Variants in PIEZO2 observed in about 807,000 individuals in gnomAD.
The protein encoded by PIEZO2 is piezo-type mechanosensitive ion channel component 2.
Under a neutral mutation model 337.3 loss-of-function variants are expected in PIEZO2, and 172 were observed. That is an observed-to-expected ratio of 0.51 (90% CI 0.45 to 0.58). The LOEUF (loss-of-function observed/expected upper bound fraction) is 0.58. Among genes scored for constraint, PIEZO2 ranks in the 20% least tolerant of loss-of-function variants. The pLI, the probability that PIEZO2 is intolerant of heterozygous loss-of-function variation, is 0.00. For missense variants in PIEZO2, 3,028 were observed against 3,391.3 expected (o/e 0.89, Z 2.66); for synonymous variants, 1,251 against 1,228.5 (o/e 1.02, Z -0.38).
In PIEZO2 at chr18:11,009,126, T is replaced by C. The variant is rs1432166027; in HGVS notation, c.161-29466A>G. On this transcript the variant is annotated intron_variant, in intron 2 of 55. Transcript: ENST00000674853. The surrounding 1 kb of genome is among the most constrained non-coding windows in gnomAD (Gnocchi z 4.6). ...CTCTGTGACCTACCCTCTTGCTTCA[T>C]ACAATTGGTGATTGTCTCAGGGTAG... 1.3e-5 allele frequency among the ~76,000 whole-genome samples: 2 copies of C among 152,262 alleles called. No homozygotes were observed. Among genetic ancestry groups the C allele is most frequent in the Non-Finnish European group, 2.9e-5 (2 of 68,042 alleles).
At chr18:11,086,548 A>G (rs2038922516) in intron 1 of PIEZO2, among the ~76,000 whole-genome samples, 1 of 152,198 alleles carries the variant, frequency 6.6e-6, no homozygotes, top group East Asian at 1.9e-4. Context: ...TTAAGTCTCA[A>G]AACAGGCTAA....
At chr18:10,981,396 C>A (rs1425534656) in intron 2 of PIEZO2, among the ~76,000 whole-genome samples, 1 of 151,920 alleles carries the variant, frequency 6.6e-6, no homozygotes, top group African/African-American at 2.4e-5. Flanking sequence ...TGGGTTTAAT[C>A]CCAAAAATGC....
At chr18:10,958,601 C>A (rs1490754501) in intron 3 of PIEZO2, among the ~76,000 whole-genome samples, 2 of 152,246 alleles carry the variant, frequency 1.3e-5, no homozygotes, top group African/African-American at 4.8e-5. Flanking sequence ...TTGATTAAGT[C>A]TTTCTACAAG....
At chr18:10,718,792 G>A (rs1598395773) in intron 36 of PIEZO2, among the ~76,000 whole-genome samples, 1 of 152,020 alleles carries the variant, frequency 6.6e-6, no homozygotes, top group East Asian at 1.9e-4. Flanking sequence ...AGAGAGGATA[G>A]CTTGAGCCCA....
intron 7 of PIEZO2, among the ~76,000 whole-genome samples, chr18:10,807,681 AG>A (rs1943478968): frequency 6.6e-6 from 1 of 152,186 alleles, no homozygotes; most frequent in Non-Finnish European, 1.5e-5. Flanking sequence ...CAGCTAAATG[AG>A]CAAATATTTT....
rs2039697687 is a variant in PIEZO2, at chr18:11,110,507, G to A, written c.64+38018C>T. Among the ~76,000 whole-genome samples the A allele has an allele frequency of 6.6e-6, 1 of 152,190 alleles. No homozygotes were observed. The highest frequency in any genetic ancestry group is 2.4e-5 in the African/African-American group (1 of 41,460). On this transcript the variant is annotated intron_variant, in intron 1 of 55. Coordinates refer to ENST00000674853, the MANE Select transcript of PIEZO2 (RefSeq NM_001378183.1). This position sits in a 1 kb window ranked among gnomAD's most constrained non-coding sequence, Gnocchi z 4.2. ...ACCTCAGTCCACCTGTTTACCTGAG[G>A]TAAGTGTCTGGGCCTTTCCTCAAAC...
intron 29 of PIEZO2, among the ~76,000 whole-genome samples, chr18:10,749,619 T>G (rs2037568950): frequency 6.6e-6 from 1 of 152,220 alleles, no homozygotes; most frequent in South Asian, 2.1e-4. Context: ...CTTCTGCCTT[T>G]GTCTTGGCAG....
In PIEZO2 at chr18:10,878,781, T is replaced by TC. The variant is rs1568157505; in HGVS notation, c.330-7367_330-7366insG. ...CAGACCATACAAAGCTTGGATGTTT[T>TC]GAAAAAAAAAAAAAATCACATAACC... On this transcript the variant is annotated intron_variant, in intron 4 of 55. Coordinates refer to ENST00000674853, the MANE Select transcript of PIEZO2 (RefSeq NM_001378183.1). The surrounding 1 kb of genome is among the most constrained non-coding windows in gnomAD (Gnocchi z 4.3). Among the ~76,000 whole-genome samples the TC allele has an allele frequency of 7.2e-6, 1 of 139,612 alleles. No individual in the cohort carries two copies. Among genetic ancestry groups the TC allele is most frequent in the Non-Finnish European group, 1.5e-5 (1 of 67,094 alleles). 91.6% of individuals were successfully genotyped at this position (139,612 alleles called of 152,430 possible). A position where few individuals can be genotyped will look rare whatever the true frequency, so the allele number is the denominator to read the frequency against.
intron 36 of PIEZO2, among the ~76,000 whole-genome samples, chr18:10,719,442 A>T (rs1306216368): frequency 1.3e-5 from 2 of 152,230 alleles, no homozygotes; most frequent in Non-Finnish European, 2.9e-5. Context: ...CTGATAAGTG[A>T]GAACATGAGA....
chr18:10,672,523 C>G lies in PIEZO2; in HGVS notation c.8345+167G>C, dbSNP rs1421006080. Among the ~76,000 whole-genome samples the G allele has an allele frequency of 1.3e-5, 2 of 152,138 alleles. No homozygotes were observed. The highest frequency in any genetic ancestry group is 4.8e-5 in the African/African-American group (2 of 41,416). On this transcript the variant is annotated intron_variant, in intron 55 of 55. Transcript: ENST00000674853. The surrounding 1 kb of genome is among the most constrained non-coding windows in gnomAD (Gnocchi z 4.7). ...ACTGGGAGTTTTGATCTCTTTGGGACTCTGGTGCCTCATTTTTTGAAATAA... is the reference window on the plus strand; with the variant it reads ...ACTGGGAGTTTTGATCTCTTTGGGAGTCTGGTGCCTCATTTTTTGAAATAA...
intron 4 of PIEZO2, among the ~76,000 whole-genome samples, chr18:10,886,181 T>C (rs2042572667): frequency 6.7e-6 from 1 of 149,458 alleles, no homozygotes; most frequent in Non-Finnish European, 1.5e-5. Context: ...TGTGCATTTG[T>C]GCATTTTGCG....
At position 11,003,569 on chromosome 18, in the gene PIEZO2, T is replaced by C. The variant is rs534687174; in HGVS notation, c.161-23909A>G. ...CAGATAATAATTTACCCACTTATTC[T>C]AGTTCAGGGTTGCAGGGGGCTGGAG... is the stretch of plus-strand genomic sequence containing the variant. On this transcript the variant is annotated intron_variant, in intron 2 of 55. Transcript: ENST00000674853. The surrounding 1 kb of genome is among the most constrained non-coding windows in gnomAD (Gnocchi z 4.6). Among the ~76,000 whole-genome samples the C allele has an allele frequency of 5.9e-5, 9 of 152,228 alleles. No individual in the cohort carries two copies. The highest frequency in any genetic ancestry group is 1.3e-4 in the Non-Finnish European group (9 of 68,030).
chr18:11,076,624 T>C (rs964145213), intron 1 of PIEZO2, among the ~76,000 whole-genome samples: 6 of 152,202 alleles, frequency 3.9e-5, no homozygotes, highest in African/African-American at 1.2e-4. Flanking sequence ...GATTCTGTTA[T>C]CTATGTCAAC....
chr18:10,799,959 C>T (rs543632710), intron 11 of PIEZO2, among the ~76,000 whole-genome samples: 8 of 121,166 alleles, frequency 6.6e-5, no homozygotes, highest in East Asian at 5.0e-4. Context: ...GGAGACAGAG[C>T]GAGACTCTGT....
At chr18:10,679,506 G>A (rs1439003979) in intron 52 of PIEZO2, among the ~76,000 whole-genome samples, 2 of 148,364 alleles carry the variant, frequency 1.3e-5, no homozygotes, top group East Asian at 4.0e-4. Context: ...AATTTTTTTT[G>A]CATTGAAACA....
chr18:10,687,591 C>T (rs2034604486), intron 49 of PIEZO2, among the ~76,000 whole-genome samples: 1 of 152,168 alleles, frequency 6.6e-6, no homozygotes, highest in Admixed American at 6.5e-5. Flanking sequence ...TTTGCCAACC[C>T]TATCATTTAC....
At chr18:11,142,510 G>C (rs758709000) in intron 1 of PIEZO2, among the ~76,000 whole-genome samples, 22 of 152,350 alleles carry the variant, frequency 1.4e-4, no homozygotes, top group Non-Finnish European at 2.6e-4. Context: ...GCCAGGCGCA[G>C]TGGCTCACGC....
chr18:10,792,939 T>G (rs2039453870), intron 13 of PIEZO2, among the ~76,000 whole-genome samples: 1 of 152,172 alleles, frequency 6.6e-6, no homozygotes, highest in Non-Finnish European at 1.5e-5. Flanking sequence ...GTAGCACTGG[T>G]TATTATCTGC....
intron 4 of PIEZO2, among the ~76,000 whole-genome samples, chr18:10,909,239 T>G (rs1009486560): frequency 3.3e-5 from 5 of 152,082 alleles, no homozygotes; most frequent in Admixed American, 1.3e-4. Context: ...TAACAAACAA[T>G]ATTGCAAACA....
Sources: allele counts gnomAD v4.1 joint callset (sites outside exome capture counted in the v4.1 genomes callset), GRCh38; gene constraint gnomAD v4.1.1; non-coding constraint Gnocchi (gnomAD v3.1); transcripts MANE v1.5; gene names NCBI Gene and HGNC (gene_info 2026-07-23, HGNC 2026-07-21).